The following PTPRM variants were observed in gnomAD, a reference collection of about 807,000 sequenced individuals.
The protein encoded by PTPRM is receptor-type tyrosine-protein phosphatase mu.
In PTPRM, 47 loss-of-function variants were observed where a neutral mutation model predicts 186.7. The ratio of observed to expected loss-of-function variants is 0.25; its 90% CI spans 0.20 to 0.32. PTPRM has a LOEUF of 0.32. Ranked by LOEUF, PTPRM falls within the 10% of genes least tolerant of loss-of-function variation. PTPRM has a pLI of 1.00. For synonymous variants in PTPRM, 668 were observed against 674.9 expected, an observed-to-expected ratio of 0.99 and a Z score of 0.16; for missense variants, 1,494 against 1,865.0, an observed-to-expected ratio of 0.80 and a Z score of 3.66.
intron 2 of PTPRM, among the ~76,000 whole-genome samples, chr18:7,846,445 T>C (rs1007259806): frequency 6.6e-6 from 1 of 152,254 alleles, no homozygotes; most frequent in East Asian, 1.9e-4. Context: ...GAGTAAGAAC[T>C]GTTTTTCTCT....
chr18:8,325,951 A>G (rs1169101170), intron 22 of PTPRM, among the ~76,000 whole-genome samples: 2 of 152,252 alleles, frequency 1.3e-5, no homozygotes, highest in East Asian at 3.9e-4. Flanking sequence ...ATTTTTTCAT[A>G]TACTTGCTGG....
intron 2 of PTPRM, among the ~76,000 whole-genome samples, chr18:7,785,741 T>C (rs1555678344): frequency 6.6e-6 from 1 of 152,234 alleles, no homozygotes; most frequent in Non-Finnish European, 1.5e-5. Context: ...CATATCGTGA[T>C]GATCATTGGT....
chr18:8,154,558 T>G (rs1285954773), intron 14 of PTPRM: 3 of 152,216 alleles, frequency 2.0e-5, no homozygotes, highest in Non-Finnish European at 2.9e-5. Context: ...GGACAGCAAA[T>G]TCAAACACTG....
chr18:7,680,919 C>T (rs533664845), intron 1 of PTPRM, among the ~76,000 whole-genome samples: 174 of 152,128 alleles, frequency 1.1e-3, no homozygotes, highest in African/African-American at 3.9e-3. Flanking sequence ...GTGAACTTGC[C>T]CAGATGCTTC....
At chr18:7,779,006 A>C (rs187981252) in intron 2 of PTPRM, among the ~76,000 whole-genome samples, 2 of 152,300 alleles carry the variant, frequency 1.3e-5, no homozygotes, top group Admixed American at 6.5e-5. Flanking sequence ...CTTGTACCTC[A>C]GTGTTCCAGT....
At chr18:7,660,834 G>A (rs899901043) in intron 1 of PTPRM, among the ~76,000 whole-genome samples, 2 of 152,072 alleles carry the variant, frequency 1.3e-5, no homozygotes, top group African/African-American at 2.4e-5. Context: ...AACTGGGCAC[G>A]GTGGCGTGTG....
intron 2 of PTPRM, among the ~76,000 whole-genome samples, chr18:7,840,749 A>G (rs1206402735): frequency 1.3e-5 from 2 of 152,240 alleles, no homozygotes; most frequent in East Asian, 1.9e-4. Context: ...CATTGGAAAC[A>G]TATGGTACAA....
intron 14 of PTPRM, among the ~76,000 whole-genome samples, chr18:8,197,399 T>C (rs9960976): frequency 0.38 from 57,914 of 152,032 alleles, 11,815 homozygotes; most frequent in East Asian, 0.81. Flanking sequence ...AACTCTTAAA[T>C]TTCTTTATAG....
rs1275477740 is a variant in PTPRM, at chr18:8,192,812, C to A, written c.2300+49033C>A. ...TCTGGGAGTCACAATATTCACATGA[C>A]CTTCAAGTGTCACCTATAGATTACT... On this transcript the variant is annotated intron_variant, in intron 14 of 32. Transcript: ENST00000580170. Among the ~76,000 whole-genome samples the A allele has an allele frequency of 5.3e-5, 8 of 152,238 alleles. No homozygotes were observed. The East Asian group carries it at 1.5e-3, about 29-fold the overall frequency.
chr18:7,949,242 T>C lies in PTPRM; in HGVS notation c.725T>C (p.Ile242Thr). ...EIKVTSSRRF[I>T]ASFNVVNTTK... ...AAGGTGACCAGCTCCCGACGCTTCATTGCTTCATTTAATGTTGTGAATACC... is the reference window on the plus strand; with the variant it reads ...AAGGTGACCAGCTCCCGACGCTTCACTGCTTCATTTAATGTTGTGAATACC... The change falls in exon 6 of 33, where the codon ATT becomes ACT. Residue 242 changes from isoleucine to threonine, a missense_variant. Ile to Thr is a moderately conservative substitution (Grantham distance 89, BLOSUM62 -1). Coordinates refer to ENST00000580170, the MANE Select transcript of PTPRM (RefSeq NM_001105244.2). The C allele has an allele frequency of 6.2e-7, 1 of 1,612,286 alleles. No homozygotes were observed.
intron 7 of PTPRM, among the ~76,000 whole-genome samples, chr18:7,995,155 A>G (rs762082290): frequency 6.6e-6 from 1 of 152,146 alleles, no homozygotes; most frequent in Non-Finnish European, 1.5e-5. Flanking sequence ...AAATAGAATC[A>G]TTAGAGACTA....
At chr18:7,609,992 T>C (rs991422033) in intron 1 of PTPRM, among the ~76,000 whole-genome samples, 1 of 152,174 alleles carries the variant, frequency 6.6e-6, no homozygotes, top group East Asian at 1.9e-4. Flanking sequence ...TAGTGGGAAT[T>C]GGAAGGCATT....
chr18:7,855,103 C>A (rs1026365359), intron 2 of PTPRM, among the ~76,000 whole-genome samples: 3 of 152,096 alleles, frequency 2.0e-5, no homozygotes, highest in Admixed American at 2.0e-4. Context: ...GTGACTCATG[C>A]TATAATGTAG....
intron 19 of PTPRM, among the ~76,000 whole-genome samples, chr18:8,274,770 T>C (rs1403649679): frequency 1.3e-5 from 2 of 151,982 alleles, no homozygotes; most frequent in African/African-American, 4.8e-5. Context: ...TGAGCCAGAG[T>C]GGATAAGAGT....
chr18:8,316,841 G>T (rs1036650466), intron 21 of PTPRM, among the ~76,000 whole-genome samples: 1 of 152,158 alleles, frequency 6.6e-6, no homozygotes, highest in Admixed American at 6.5e-5. Context: ...TAGCAAGTGA[G>T]CAAGGAAGAC....
chr18:7,655,089 G>T (rs1286911565), intron 1 of PTPRM, among the ~76,000 whole-genome samples: 1 of 152,150 alleles, frequency 6.6e-6, no homozygotes, highest in Admixed American at 6.5e-5. Context: ...CAGGAGCATG[G>T]AATTTTTTCC....
intron 14 of PTPRM, among the ~76,000 whole-genome samples, chr18:8,161,163 T>C (rs1408856503): frequency 1.3e-5 from 2 of 152,162 alleles, no homozygotes; most frequent in East Asian, 3.9e-4. Flanking sequence ...TCACTGAAAA[T>C]ATTAACTTGG....
chr18:7,897,812 G>A (rs1280747948), intron 3 of PTPRM, among the ~76,000 whole-genome samples: 1 of 151,900 alleles, frequency 6.6e-6, no homozygotes, highest in African/African-American at 2.4e-5. Context: ...CTTAATTTCT[G>A]TGCACGGCCT....
intron 2 of PTPRM, among the ~76,000 whole-genome samples, chr18:7,785,746 A>G (rs908390412): frequency 3.3e-5 from 5 of 152,220 alleles, no homozygotes; most frequent in African/African-American, 1.2e-4. Flanking sequence ...CGTGATGATC[A>G]TTGGTCATTA....
Sources: allele counts gnomAD v4.1 joint callset (sites outside exome capture counted in the v4.1 genomes callset), GRCh38; gene constraint gnomAD v4.1.1; transcripts MANE v1.5; gene names NCBI Gene and HGNC (gene_info 2026-07-23, HGNC 2026-07-21).